TMEM232: variants seen among roughly 807,000 people sequenced by gnomAD.
TMEM232 encodes the protein transmembrane protein 232.
Under a neutral mutation model 78.8 loss-of-function variants are expected in TMEM232, and 80 were observed. The observed-to-expected ratio is 1.01, with a 90% CI of 0.85 to 1.22. The LOEUF (loss-of-function observed/expected upper bound fraction) is 1.22, where lower values mean the gene tolerates loss of function less well. Ranked by LOEUF, TMEM232 falls within the 50% of genes most tolerant of loss-of-function variation. TMEM232 has a pLI of 0.00. For synonymous variants in TMEM232, 297 were observed against 254.3 expected (o/e 1.17, Z -1.60); for missense variants, 881 against 742.2 (o/e 1.19, Z -2.17).
At chr5:110,459,024 G>T (rs116032297) in intron 12 of TMEM232, among the ~76,000 whole-genome samples, 1 of 152,134 alleles carries the variant, frequency 6.6e-6, no homozygotes, top group African/African-American at 2.4e-5. Flanking sequence ...TTAATTTGGG[G>T]GGATAACCTT....
chr5:110,527,605 GC>G (rs34327098), intron 12 of TMEM232, among the ~76,000 whole-genome samples: 2 of 151,786 alleles, frequency 1.3e-5, no homozygotes, highest in Non-Finnish European at 3.0e-5. Flanking sequence ...CAAAGGCAAA[GC>G]CAATCAGATG....
chr5:110,551,557 A>G (rs1422265633), intron 11 of TMEM232, among the ~76,000 whole-genome samples: 5 of 152,270 alleles, frequency 3.3e-5, no homozygotes, highest in African/African-American at 1.2e-4. Context: ...ATCTCAGAGA[A>G]AATAAGAGAC....
intron 2 of TMEM232, among the ~76,000 whole-genome samples, chr5:110,733,448 G>A (rs377292141): frequency 1.8e-4 from 28 of 152,186 alleles, no homozygotes; most frequent in African/African-American, 6.5e-4. Context: ...CAACCTAAAT[G>A]CCCATCACTG....
chr5:110,434,497 A>G (rs1046160803), intron 12 of TMEM232, among the ~76,000 whole-genome samples: 1 of 151,642 alleles, frequency 6.6e-6, no homozygotes, highest in Admixed American at 6.6e-5. Flanking sequence ...ATAGCCCTGG[A>G]CCAGATGGAT....
intron 12 of TMEM232, among the ~76,000 whole-genome samples, chr5:110,457,192 A>G (rs1477944960): frequency 2.0e-5 from 3 of 152,144 alleles, no homozygotes; most frequent in Non-Finnish European, 4.4e-5. Context: ...AAAAAGCTAG[A>G]TAAAAGTGAA....
At chr5:110,659,099 T>A (rs1183179824) in intron 2 of TMEM232, among the ~76,000 whole-genome samples, 1 of 152,154 alleles carries the variant, frequency 6.6e-6, no homozygotes, top group Non-Finnish European at 1.5e-5. Flanking sequence ...CAGAGAACTC[T>A]GTAAATCAGC....
intron 2 of TMEM232, among the ~76,000 whole-genome samples, chr5:110,663,636 T>C (rs1790107780): frequency 6.7e-6 from 1 of 148,678 alleles, no homozygotes; most frequent in African/African-American, 2.5e-5. Context: ...ATGATTATGA[T>C]AAAGATGTTA....
intron 1 of TMEM232, among the ~76,000 whole-genome samples, chr5:110,672,186 A>C (rs187535956): frequency 2.0e-5 from 3 of 152,170 alleles, no homozygotes; most frequent in African/African-American, 7.2e-5. Context: ...GAGTTTCAAG[A>C]AGTTAGAGAC....
At chr5:110,606,021 A>C in intron 9 of TMEM232, 143 bp downstream of exon 9, 1 of 702,104 alleles carries the variant, frequency 1.4e-6, no homozygotes, top group Non-Finnish European at 2.0e-6. Flanking sequence ...GGTAACTGTG[A>C]ATTTGCTTTT....
intron 2 of TMEM232, among the ~76,000 whole-genome samples, chr5:110,734,186 C>T (rs553021405): frequency 1.3e-5 from 2 of 152,218 alleles, no homozygotes; most frequent in Admixed American, 6.5e-5. Flanking sequence ...CACTCCTCTG[C>T]GTGCAGGTTG....
intron 12 of TMEM232, among the ~76,000 whole-genome samples, chr5:110,454,062 T>G: frequency 6.6e-6 from 1 of 152,266 alleles, no homozygotes; most frequent in Non-Finnish European, 1.5e-5. Flanking sequence ...GTAATTATAC[T>G]TGGGTAGTTC....
intron 3 of TMEM232, 151 bp downstream of exon 3, chr5:110,642,109 A>T: frequency 2.2e-6 from 1 of 462,524 alleles, no homozygotes; most frequent in Non-Finnish European, 3.5e-6. Flanking sequence ...TATAAGCTTT[A>T]ATTTTAATTT....
chr5:110,540,469 C>T (rs1403545435), intron 11 of TMEM232, among the ~76,000 whole-genome samples: 2 of 152,208 alleles, frequency 1.3e-5, no homozygotes, highest in South Asian at 4.1e-4. Context: ...AAACCTGTAG[C>T]ACCTTGAATC....
In TMEM232 at chr5:110,625,257, G is replaced by C. The variant is rs372392020; in HGVS notation, c.768+10C>G. Reference sequence around the variant, plus strand: ...GCAACAGGATATACCCACCATACCAGATTACTCACCATATCAGAATCTGTG... The same window carrying C: ...GCAACAGGATATACCCACCATACCACATTACTCACCATATCAGAATCTGTG... On this transcript the variant is annotated intron_variant, in intron 7 of 13. Transcript: ENST00000455884. The C allele has an allele frequency of 1.3e-6, 2 of 1,516,298 alleles. No individual in the cohort carries two copies. The highest frequency in any genetic ancestry group is 1.8e-6 in the Non-Finnish European group (2 of 1,129,950). 93.9% of individuals were successfully genotyped at this position (1,516,298 alleles called of 1,614,324 possible). A position where few individuals can be genotyped will look rare whatever the true frequency, so the allele number is the denominator to read the frequency against.
intron 1 of TMEM232, among the ~76,000 whole-genome samples, chr5:110,709,121 A>C (rs2431650): frequency 6.6e-6 from 1 of 152,048 alleles, no homozygotes. Context: ...GACAAAAACC[A>C]TAAGAAGAGA....
chr5:110,640,193 T>G (rs147727117), intron 4 of TMEM232, among the ~76,000 whole-genome samples: 1 of 152,320 alleles, frequency 6.6e-6, no homozygotes, highest in East Asian at 1.9e-4. Flanking sequence ...GGCACTGTGA[T>G]GAAGGACCAT....
intron 12 of TMEM232, among the ~76,000 whole-genome samples, chr5:110,516,201 T>C (rs761862204): frequency 2.0e-5 from 3 of 152,126 alleles, no homozygotes; most frequent in Admixed American, 6.5e-5. Context: ...ATCGCGCCAC[T>C]GCACTTCAGC....
intron 12 of TMEM232, among the ~76,000 whole-genome samples, chr5:110,452,421 G>C (rs1307428602): frequency 6.6e-6 from 1 of 152,122 alleles, no homozygotes; most frequent in East Asian, 1.9e-4. Flanking sequence ...CTTTGGGATT[G>C]ATTTTGTAGC....
At chr5:110,695,733 C>T (rs998302955) in intron 1 of TMEM232, among the ~76,000 whole-genome samples, 57 of 152,138 alleles carry the variant, frequency 3.7e-4, no homozygotes, top group African/African-American at 1.3e-3. Flanking sequence ...ACACATACAC[C>T]CTCCAAAAAC....
Sources: gnomAD v4.1 joint callset for allele counts (sites outside exome capture counted in the v4.1 genomes callset) on GRCh38, gnomAD v4.1.1 for gene constraint, MANE v1.5 for transcripts, NCBI Gene and HGNC (gene_info 2026-07-23, HGNC 2026-07-21) for gene names.